Variants in PKNOX2 observed in about 807,000 individuals in gnomAD.
The protein encoded by PKNOX2 is homeobox protein PKNOX2.
Under a neutral mutation model 53.1 loss-of-function variants are expected in PKNOX2, and 14 were observed. The observed-to-expected ratio is 0.26, with a 90% CI of 0.17 to 0.41. PKNOX2 has a LOEUF of 0.41. Among genes scored for constraint, PKNOX2 ranks in the 10% least tolerant of loss-of-function variants. The pLI is 1.00. For missense variants in PKNOX2, 496 were observed against 602.8 expected (o/e 0.82, Z 1.85); for synonymous variants, 257 against 242.8 (o/e 1.06, Z -0.54).
In PKNOX2 at chr11:125,198,348, G is replaced by T. The variant is rs1020182323; in HGVS notation, c.-201+33572G>T. Among the ~76,000 whole-genome samples the T allele has an allele frequency of 4.6e-5, 7 of 152,212 alleles. No individual in the cohort carries two copies. The South Asian group carries it at 1.4e-3, about 32-fold the overall frequency. ...GATAGAAAGGCCAGAAGGCGAAGGT[G>T]GGGGTAGAGGGCGATACGACACCAC... On this transcript the variant is annotated intron_variant, in intron 1 of 12. Transcript: ENST00000298282.
chr11:125,299,421 G>C (rs2135948739), intron 2 of PKNOX2, among the ~76,000 whole-genome samples: 1 of 152,132 alleles, frequency 6.6e-6, no homozygotes, highest in South Asian at 2.1e-4. Context: ...CGAGGAGCCA[G>C]CTACATGAGC....
At chr11:125,174,903 T>C (rs1955592946) in intron 1 of PKNOX2, among the ~76,000 whole-genome samples, 1 of 152,134 alleles carries the variant, frequency 6.6e-6, no homozygotes, top group African/African-American at 2.4e-5. Flanking sequence ...ACTGGTTTCA[T>C]AGTAGGGCAG....
intron 2 of PKNOX2, among the ~76,000 whole-genome samples, chr11:125,288,772 C>T (rs570738838): frequency 5.3e-5 from 8 of 152,314 alleles, no homozygotes; most frequent in Admixed American, 2.6e-4. Context: ...CCCGCATCAT[C>T]GGAAAGATTG....
intron 4 of PKNOX2, among the ~76,000 whole-genome samples, chr11:125,365,885 G>A (rs143207048): frequency 1.4e-4 from 21 of 152,316 alleles, no homozygotes; most frequent in African/African-American, 5.1e-4. Context: ...CTTTCTGATA[G>A]CAATCTCTCA....
intron 2 of PKNOX2, among the ~76,000 whole-genome samples, chr11:125,312,111 A>G (rs1440940619): frequency 6.6e-6 from 1 of 152,178 alleles, no homozygotes; most frequent in Non-Finnish European, 1.5e-5. Flanking sequence ...AAAATGGGAA[A>G]AACAGTGCGT....
intron 10 of PKNOX2, among the ~76,000 whole-genome samples, chr11:125,418,805 T>C (rs2135602499): frequency 6.6e-6 from 1 of 152,180 alleles, no homozygotes; most frequent in Admixed American, 6.5e-5. Context: ...GTCCTGAACA[T>C]GTATCGCCTT....
intron 4 of PKNOX2, among the ~76,000 whole-genome samples, chr11:125,366,735 T>C (rs1380273848): frequency 1.3e-5 from 2 of 152,252 alleles, no homozygotes; most frequent in Non-Finnish European, 2.9e-5. Context: ...CACAGACATA[T>C]AACACTTTTT....
chr11:125,279,774 C>T (rs1441279464), intron 2 of PKNOX2, among the ~76,000 whole-genome samples: 2 of 152,248 alleles, frequency 1.3e-5, no homozygotes, highest in Admixed American at 6.5e-5. Context: ...TCCTGCCTTT[C>T]AGCCCTTCTC....
At position 125,353,444 on chromosome 11, in the gene PKNOX2, C is replaced by T. The variant is rs1370840013; in HGVS notation, c.87+2052C>T. Among the ~76,000 whole-genome samples, 4 of 152,242 alleles carry T rather than the reference C, an allele frequency of 2.6e-5. No homozygotes were observed. In the East Asian group the frequency reaches 7.7e-4, roughly 29 times the overall value. ...GAAGCCTAATTTAGTGATCAGCATA[C>T]AGCTGGATTAATAAATCCCAGCTAT... On this transcript the variant is annotated intron_variant, in intron 4 of 12. Coordinates refer to ENST00000298282, the MANE Select transcript of PKNOX2 (RefSeq NM_001382323.2).
At chr11:125,327,766 G>A (rs542445576) in intron 2 of PKNOX2, among the ~76,000 whole-genome samples, 13 of 152,310 alleles carry the variant, frequency 8.5e-5, no homozygotes, top group African/African-American at 2.6e-4. Flanking sequence ...CTGTATTTAT[G>A]CCTTGTAGCT....
At chr11:125,213,431 T>C (rs1057487322) in intron 1 of PKNOX2, among the ~76,000 whole-genome samples, 5 of 152,138 alleles carry the variant, frequency 3.3e-5, no homozygotes, top group African/African-American at 1.2e-4. Flanking sequence ...CTGTCAGTGC[T>C]CATTGTCTCC....
At chr11:125,419,420 A>G (rs1408304595) in intron 10 of PKNOX2, among the ~76,000 whole-genome samples, 3 of 149,526 alleles carry the variant, frequency 2.0e-5, no homozygotes, top group Non-Finnish European at 4.4e-5. Context: ...TGGGGAACCT[A>G]TGGAGGAAAG....
At chr11:125,419,093 T>G (rs963814461) in intron 10 of PKNOX2, among the ~76,000 whole-genome samples, 2 of 151,870 alleles carry the variant, frequency 1.3e-5, no homozygotes, top group Non-Finnish European at 2.9e-5. Flanking sequence ...ATGGCAATGT[T>G]TCTTAGAAAC....
At chr11:125,216,976 G>A (rs1477245635) in intron 1 of PKNOX2, among the ~76,000 whole-genome samples, 1 of 151,536 alleles carries the variant, frequency 6.6e-6, no homozygotes, top group African/African-American at 2.4e-5. Context: ...TAGGCAGGAG[G>A]CCAGGCTGTG....
intron 1 of PKNOX2, among the ~76,000 whole-genome samples, chr11:125,181,674 G>T (rs192073275): frequency 6.6e-6 from 1 of 152,210 alleles, no homozygotes; most frequent in Admixed American, 6.5e-5. Context: ...TGTCATGGGG[G>T]CTTTGCCTAG....
At chr11:125,210,297 G>A (rs1308392588) in intron 1 of PKNOX2, among the ~76,000 whole-genome samples, 1 of 152,114 alleles carries the variant, frequency 6.6e-6, no homozygotes, top group Admixed American at 6.5e-5. Context: ...AAGCCTCACT[G>A]ACTGGAATTC....
intron 10 of PKNOX2, among the ~76,000 whole-genome samples, chr11:125,419,051 C>T (rs1181634221): frequency 6.6e-6 from 1 of 151,912 alleles, no homozygotes; most frequent in African/African-American, 2.4e-5. Flanking sequence ...AAAGGCCCAC[C>T]TACAGGACCC....
At chr11:125,345,038 C>T (rs545071847) in intron 3 of PKNOX2, among the ~76,000 whole-genome samples, 6 of 152,212 alleles carry the variant, frequency 3.9e-5, no homozygotes, top group African/African-American at 1.2e-4. Context: ...ATCTCCATTT[C>T]CCCCCATCAG....
chr11:125,320,508 C>T (rs2136058858), intron 2 of PKNOX2, among the ~76,000 whole-genome samples: 1 of 152,168 alleles, frequency 6.6e-6, no homozygotes, highest in East Asian at 1.9e-4. Flanking sequence ...CCTGGTGTTC[C>T]AGGTACTGAA....
Sources: gnomAD v4.1 joint callset for allele counts (sites outside exome capture counted in the v4.1 genomes callset) on GRCh38, gnomAD v4.1.1 for gene constraint, MANE v1.5 for transcripts, NCBI Gene and HGNC (gene_info 2026-07-23, HGNC 2026-07-21) for gene names.